ZFHX3: variants seen among roughly 807,000 people sequenced by gnomAD.
ZFHX3 encodes zinc finger homeobox 3, also known as zinc finger homeobox protein 3.
Under a neutral mutation model 279.1 loss-of-function variants are expected in ZFHX3, and 42 were observed. The observed-to-expected ratio is 0.15, with a 90% confidence interval of 0.12 to 0.19. The LOEUF is 0.19. Among genes scored for constraint, ZFHX3 ranks in the 10% least tolerant of loss-of-function variants. ZFHX3 has a pLI of 1.00. For missense variants in ZFHX3, 4,981 were observed against 4,754.0 expected (o/e 1.05, Z -1.40); for synonymous variants, 2,293 against 1,957.8 (o/e 1.17, Z -4.52).
chr16:73,725,287 A>C (rs1376256820), intron 1 of ZFHX3, among the ~76,000 whole-genome samples: 1 of 152,220 alleles, frequency 6.6e-6, no homozygotes. Flanking sequence ...TTTCAAATGC[A>C]CCATGCTTTG....
At chr16:73,060,855 C>T (rs1965674586), upstream of ZFHX3, 1 of 152,122 alleles carries the variant, frequency 6.6e-6, no homozygotes, top group Non-Finnish European at 1.5e-5. Context: ...ATCAGGAAAT[C>T]TGTTTGATTA....
chr16:73,693,296 T>A (rs1338452844), intron 1 of ZFHX3, among the ~76,000 whole-genome samples: 1 of 152,144 alleles, frequency 6.6e-6, no homozygotes, highest in African/African-American at 2.4e-5. Context: ...CACATCAAAC[T>A]CTGCATCTGG....
rs544418288 is a variant in ZFHX3, at chr16:72,795,992, C to T, written c.6690G>A (p.Ser2230=). The change falls in exon 9 of 10, where the codon TCG becomes TCA. Residue 2230 remains serine (S), a synonymous_variant. Transcript: ENST00000268489. ...AGTACTCCTGCTTTGGAGGTTCCGGCGAAGGGGGCCGGGAGTCAATCTTGA... is the reference window on the plus strand; with the variant it reads ...AGTACTCCTGCTTTGGAGGTTCCGGTGAAGGGGGCCGGGAGTCAATCTTGA... ...EELKIDSRPP[S]PEPPKQEYWG... is the part of the protein sequence containing the mutation. 19 of 1,614,048 alleles carry T rather than the reference C, an allele frequency of 1.2e-5. No individual in the cohort carries two copies. The highest frequency in any genetic ancestry group is 3.3e-4 in the Middle Eastern group (2 of 6,062).
At chr16:73,157,095 C>G (rs193231995) in intron 5 of ZFHX3, among the ~76,000 whole-genome samples, 139 of 152,228 alleles carry the variant, frequency 9.1e-4, no homozygotes, top group Admixed American at 2.7e-3. Context: ...AAAGCGCACT[C>G]AGATGTGCCT....
rs1426863341 is a variant in ZFHX3, at chr16:72,787,757, CGGT to C, written c.10516_10518del (p.Thr3506del). The C allele has an allele frequency of 8.4e-6, 12 of 1,424,422 alleles. No homozygotes were observed. Among genetic ancestry groups the C allele is most frequent in the African/African-American group, 1.5e-5 (1 of 68,540 alleles). 88.2% of individuals were successfully genotyped at this position (1,424,422 alleles called of 1,614,324 possible). On this transcript the variant is annotated inframe_deletion, in exon 10 of 10. Coordinates refer to ENST00000268489, the MANE Select transcript of ZFHX3 (RefSeq NM_006885.4). ...CCGCCACTGCCACCGCCGCCGCCGC[CGGT>C]GGGGACGTGAAGCACCATCTCTTGC...
At position 73,626,471 on chromosome 16, in the gene ZFHX3, T is replaced by C. The variant is rs1362657353; in HGVS notation, c.-1547+53709A>G. Among the ~76,000 whole-genome samples the C allele has an allele frequency of 2.6e-5, 4 of 152,282 alleles. No individual in the cohort carries two copies. In the East Asian group the frequency reaches 5.8e-4, roughly 22 times the overall value. On this transcript the variant is annotated intron_variant, in intron 2 of 17. Transcript: ENST00000641206. ...TGGAATATATATTTTGATTTGCAAA[T>C]CTATTGATATGAAAAAACTTACAAA...
In ZFHX3 at chr16:72,874,198, A is replaced by ATTTTTTTTTT. The variant is rs565664402; in HGVS notation, c.3448+15523_3448+15532dup. Among the ~76,000 whole-genome samples, 39 of 95,130 alleles carry ATTTTTTTTTT rather than the reference A, an allele frequency of 4.1e-4. 4 individuals are homozygous for ATTTTTTTTTT. The highest frequency in any genetic ancestry group is 1.6e-3 in the African/African-American group (35 of 21,232). The allele number at this position is 95,130 out of a possible 152,430, so 62.4% of individuals were successfully genotyped here. A position where few individuals can be genotyped will look rare whatever the true frequency, so the allele number is the denominator to read the frequency against. On this transcript the variant is annotated intron_variant, in intron 4 of 9. Coordinates refer to ENST00000268489, the MANE Select transcript of ZFHX3 (RefSeq NM_006885.4). ...TGGAGCTCAGATGGAGGATTTTTTGATTTTTTTTTTTTTTTTTTTTTTTTT... is the reference window on the plus strand; with the variant it reads ...TGGAGCTCAGATGGAGGATTTTTTGATTTTTTTTTTTTTTTTTTTTTTTTTTTTTTTTTTT...
chr16:73,131,198 T>C, intron 6 of ZFHX3: 1 of 354,270 alleles, frequency 2.8e-6, no homozygotes, highest in Non-Finnish European at 5.9e-6. Context: ...CGCACAGCAT[T>C]ACATAGCAGG....
chr16:73,212,183 T>C (rs547959518), intron 5 of ZFHX3, among the ~76,000 whole-genome samples: 5 of 150,762 alleles, frequency 3.3e-5, no homozygotes, highest in East Asian at 1.9e-4. Flanking sequence ...AAAGCACCCA[T>C]CCTAATCCTA....
At chr16:73,069,465 C>T (rs1160044960) in intron 8 of ZFHX3, among the ~76,000 whole-genome samples, 1 of 152,168 alleles carries the variant, frequency 6.6e-6, no homozygotes, top group Non-Finnish European at 1.5e-5. Flanking sequence ...TGTCCGTCTA[C>T]AGAATCGTGC....
intron 1 of ZFHX3, among the ~76,000 whole-genome samples, chr16:73,719,934 G>A (rs1030275004): frequency 6.6e-6 from 1 of 152,150 alleles, no homozygotes; most frequent in Admixed American, 6.6e-5. Context: ...GATGTTTGCT[G>A]TTTTTCTCAC....
chr16:73,366,879 T>C (rs910010764), intron 3 of ZFHX3, among the ~76,000 whole-genome samples: 3 of 152,172 alleles, frequency 2.0e-5, no homozygotes, highest in Admixed American at 1.3e-4. Context: ...CATTTTTGGT[T>C]GGGATTCTAA....
At chr16:73,638,680 G>T (rs1170545966) in intron 2 of ZFHX3, among the ~76,000 whole-genome samples, 1 of 152,146 alleles carries the variant, frequency 6.6e-6, no homozygotes, top group Non-Finnish European at 1.5e-5. Flanking sequence ...AAGTGTCTGT[G>T]TTTCTCTTTG....
At chr16:73,774,418 T>C (rs1331624279) in intron 1 of ZFHX3, among the ~76,000 whole-genome samples, 2 of 152,028 alleles carry the variant, frequency 1.3e-5, no homozygotes, top group Non-Finnish European at 2.9e-5. Context: ...AGAACAACCA[T>C]ACCCATGACA....
At chr16:73,215,062 G>A (rs1275792051) in intron 5 of ZFHX3, among the ~76,000 whole-genome samples, 2 of 151,864 alleles carry the variant, frequency 1.3e-5, no homozygotes, top group Admixed American at 6.6e-5. Context: ...CATAAATAAC[G>A]GATTAAAAAG....
chr16:73,800,858 G>A (rs1960126463), intron 1 of ZFHX3, among the ~76,000 whole-genome samples: 2 of 152,168 alleles, frequency 1.3e-5, no homozygotes, highest in African/African-American at 4.8e-5. Context: ...GCAGGCCACG[G>A]GGAAGGGACA....
At chr16:73,457,971 G>T (rs866457787) in intron 2 of ZFHX3, among the ~76,000 whole-genome samples, 2 of 152,082 alleles carry the variant, frequency 1.3e-5, no homozygotes. Flanking sequence ...TTAAGCTCAG[G>T]TGTTTAACAG....
At chr16:73,128,359 T>G (rs780750438) in intron 7 of ZFHX3, among the ~76,000 whole-genome samples, 11 of 152,208 alleles carry the variant, frequency 7.2e-5, no homozygotes, top group Non-Finnish European at 1.5e-4. Context: ...CTGCATATAT[T>G]AACTTGATTA....
At chr16:73,523,692 T>C (rs1435298118) in intron 2 of ZFHX3, among the ~76,000 whole-genome samples, 1 of 151,086 alleles carries the variant, frequency 6.6e-6, no homozygotes, top group African/African-American at 2.4e-5. Context: ...AGGAGATGGA[T>C]AAAGTCTTTT....
Sources: gnomAD v4.1 joint callset for allele counts (sites outside exome capture counted in the v4.1 genomes callset) on GRCh38, gnomAD v4.1.1 for gene constraint, MANE v1.5 for transcripts, NCBI Gene and HGNC (gene_info 2026-07-23, HGNC 2026-07-21) for gene names.